Variants in JCHAIN observed in about 807,000 individuals in gnomAD.
The protein encoded by JCHAIN is immunoglobulin J chain.
A neutral mutation model predicts 11.1 loss-of-function variants in JCHAIN; 5 were observed. The observed-to-expected ratio is 0.45, with a 90% CI of 0.24 to 0.95. The LOEUF (loss-of-function observed/expected upper bound fraction) is 0.95, where lower values mean the gene tolerates loss of function less well. Among genes scored for constraint, JCHAIN ranks in the 40% least tolerant of loss-of-function variants. The probability of loss-of-function intolerance (pLI) is 0.21; values close to 1 mark genes in which losing one functional copy is unlikely to be tolerated. For synonymous variants in JCHAIN, 51 were observed against 67.8 expected, an observed-to-expected ratio of 0.75 and a Z score of 1.22; for missense variants, 165 against 192.7, an observed-to-expected ratio of 0.86 and a Z score of 0.85.
At chr4:70,656,951 T>C (rs1481219602) in intron 3 of JCHAIN, among the ~76,000 whole-genome samples, 1 of 152,168 alleles carries the variant, frequency 6.6e-6, no homozygotes, top group African/African-American at 2.4e-5. Flanking sequence ...TATTGAACTA[T>C]TAAGAGAAAT....
At chr4:70,664,887 G>C (rs1739124362) in intron 1 of JCHAIN, among the ~76,000 whole-genome samples, 1 of 152,118 alleles carries the variant, frequency 6.6e-6, no homozygotes, top group Non-Finnish European at 1.5e-5. Context: ...ATATTAGGCA[G>C]CCTAATATCT....
rs550340975 is a variant in JCHAIN at position 70,664,372 on chromosome 4, GT to G, written c.64+2054del. 6.1e-4 allele frequency among the ~76,000 whole-genome samples: 93 copies of G among 151,880 alleles called. 1 individual carries two copies. Among genetic ancestry groups the G allele is most frequent in the African/African-American group, 2.2e-3 (92 of 41,422 alleles). ...TTAGTATACGAATTCAAGTTATAAA[GT>G]TTAAATGATCAGAATAGTTATAATT... is the stretch of plus-strand genomic sequence containing the variant. On this transcript the variant is annotated intron_variant, in intron 1 of 3. Transcript: ENST00000254801.
Position 70,656,514 on chromosome 4 carries a change from C to G in JCHAIN, c.295G>C (p.Val99Leu), listed in dbSNP as rs765894756. The change falls in exon 4 of 4, where the codon GTG (valine) becomes CTG (leucine). Residue 99 changes from valine (V) to leucine (L), a missense_variant. By Grantham distance (32) the Val-to-Leu change is conservative (BLOSUM62 1). Transcript: ENST00000254801. ...DLCKKCDPTE[V>L]ELDNQIVTAT... ...GTAACTATCTGATTATCCAGCTCCA[C>G]TTCTGTAGGATCACATTTTTTACAG... 1.4e-5 allele frequency: 23 copies of G among 1,613,110 alleles called. 1 individual carries two copies. Among genetic ancestry groups the G allele is most frequent in the Middle Eastern group, 1.8e-4 (1 of 5,554 alleles).
intron 2 of JCHAIN, among the ~76,000 whole-genome samples, chr4:70,659,214 C>G (rs1182137800): frequency 6.6e-6 from 1 of 151,882 alleles, no homozygotes; most frequent in African/African-American, 2.4e-5. Context: ...GTAACTTGCC[C>G]AAAGTCACAT....
chr4:70,665,399 T>C (rs2148529585), intron 1 of JCHAIN, among the ~76,000 whole-genome samples: 1 of 152,304 alleles, frequency 6.6e-6, no homozygotes, highest in South Asian at 2.1e-4. Context: ...GAATATCATA[T>C]TCAGTAAGTG....
rs746559683 is a variant in JCHAIN, at chr4:70,656,311, A to G, written c.*18T>C. On this transcript the variant is annotated 3_prime_UTR_variant, in exon 4 of 4. Coordinates refer to ENST00000254801, the MANE Select transcript of JCHAIN (RefSeq NM_144646.4). ...AGCCTCTCAAGAAAAAGAGCTATGC[A>G]GTCAGCAATGACTTAAATTAGTCAG... 1.9e-6 allele frequency: 3 copies of G among 1,556,686 alleles called. No individual in the cohort carries two copies. Among genetic ancestry groups the G allele is most frequent in the South Asian group, 2.2e-5 (2 of 89,778 alleles).
intron 2 of JCHAIN, among the ~76,000 whole-genome samples, chr4:70,661,363 C>T (rs907199529): frequency 6.6e-6 from 1 of 152,092 alleles, no homozygotes; most frequent in Non-Finnish European, 1.5e-5. Context: ...GATCAGTCTG[C>T]CTTATCTCGA....
rs753151015 is a variant in JCHAIN, at chr4:70,666,441, G to C, written c.50C>G (p.Ala17Gly). The change falls in exon 1 of 4, where the codon GCT becomes GGT. Residue 17 changes from alanine to glycine, a missense_variant. Transcript: ENST00000254801. ...FWGVLAVFIKAVHVKAQEDER... is the reference protein window; with the variant it reads ...FWGVLAVFIKGVHVKAQEDER... ...ATATCACATACCTTTCACATGAACA[G>C]CCTTAATAAAAACCGCCAGGACTCC... 3.1e-6 allele frequency: 5 copies of C among 1,609,670 alleles called. No individual in the cohort carries two copies. The highest frequency in any genetic ancestry group is 4.3e-6 in the Non-Finnish European group (5 of 1,176,164).
At chr4:70,658,942 A>AT (rs372398426) in intron 2 of JCHAIN, among the ~76,000 whole-genome samples, 3 of 152,228 alleles carry the variant, frequency 2.0e-5, no homozygotes, top group South Asian at 2.1e-4. Flanking sequence ...TATATTTTAA[A>AT]TAAACTGTTT....
intron 1 of JCHAIN, among the ~76,000 whole-genome samples, chr4:70,665,120 C>T (rs1739126891): frequency 6.6e-6 from 1 of 152,140 alleles, no homozygotes; most frequent in Non-Finnish European, 1.5e-5. Flanking sequence ...GATTTAACAA[C>T]ATATGCTAGA....
Position 70,666,495 on chromosome 4 carries a change from A to T in JCHAIN, c.-5T>A. On this transcript the variant is annotated 5_prime_UTR_variant, in exon 1 of 4. Transcript: ENST00000254801. ...GAAAAGCAAATGGTTCTTCATCTTG[A>T]CTTCACTTCTTCTGAAAAACTGGAG... 1 of 1,611,050 alleles carries T rather than the reference A, an allele frequency of 6.2e-7. No homozygotes were observed.
chr4:70,656,293 C>T lies in JCHAIN; in HGVS notation c.*36G>A. The T allele has an allele frequency of 7.1e-7, 1 of 1,400,924 alleles. No individual in the cohort carries two copies. The highest frequency in any genetic ancestry group is 1.4e-5 in the African/African-American group (1 of 70,402). The allele number at this position is 1,400,924 out of a possible 1,614,324, so 86.8% of individuals were successfully genotyped here. Reference sequence around the variant, plus strand: ...TTCTGAATCAAAATGGAGAGCCTCTCAAGAAAAAGAGCTATGCAGTCAGCA... The same window carrying T: ...TTCTGAATCAAAATGGAGAGCCTCTTAAGAAAAAGAGCTATGCAGTCAGCA... On this transcript the variant is annotated 3_prime_UTR_variant, in exon 4 of 4. Transcript: ENST00000254801.
At chr4:70,656,890 AGTCT>A (rs1237325342) in intron 3 of JCHAIN, among the ~76,000 whole-genome samples, 1 of 152,184 alleles carries the variant, frequency 6.6e-6, no homozygotes, top group Non-Finnish European at 1.5e-5. Flanking sequence ...TTGATGTTGG[AGTCT>A]GTCATTTCCA....
intron 2 of JCHAIN, among the ~76,000 whole-genome samples, chr4:70,658,383 C>T (rs1367895764): frequency 4.0e-5 from 6 of 151,118 alleles, no homozygotes; most frequent in African/African-American, 2.5e-5. Flanking sequence ...ACAGGGTATC[C>T]TCAAATAGCA....
Position 70,662,174 on chromosome 4 carries a change from T to C in JCHAIN, c.106A>G (p.Lys36Glu), listed in dbSNP as rs1739071620. ...ATCCTGGAAGTAATCCGGGCACACT[T>C]ACATTTGTTGTCAACAAGAACAATC... ...ERIVLVDNKCKCARITSRIIR... is the reference protein window; with the variant it reads ...ERIVLVDNKCECARITSRIIR... Residue 36 changes from lysine (K) to glutamate (E), a missense_variant, in exon 2 of 4, where the codon AAG (lysine) becomes GAG (glutamate). Lys to Glu is a moderately conservative substitution (Grantham distance 56). Transcript: ENST00000254801. 1.2e-6 allele frequency: 2 copies of C among 1,613,342 alleles called. No individual in the cohort carries two copies. Among genetic ancestry groups the C allele is most frequent in the Admixed American group, 3.3e-5 (2 of 60,010 alleles).
intron 1 of JCHAIN, among the ~76,000 whole-genome samples, chr4:70,663,898 T>C (rs567334216): frequency 1.3e-5 from 2 of 151,516 alleles, no homozygotes; most frequent in Non-Finnish European, 2.9e-5. Context: ...TAGCTTTACA[T>C]AAGTAATGCT....
chr4:70,656,808 G>C (rs1331215458), intron 3 of JCHAIN, among the ~76,000 whole-genome samples: 2 of 152,100 alleles, frequency 1.3e-5, no homozygotes, highest in Admixed American at 1.3e-4. Flanking sequence ...ACTGTGTTAG[G>C]CTTATTCCCA....
intron 1 of JCHAIN, among the ~76,000 whole-genome samples, chr4:70,664,587 C>T (rs549477930): frequency 1.3e-5 from 2 of 152,188 alleles, no homozygotes; most frequent in African/African-American, 4.8e-5. Context: ...TCTTCTGACA[C>T]TGTGTAATAT....
At position 70,660,378 on chromosome 4, in the gene JCHAIN, ATTT is replaced by A. The variant is rs11290121; in HGVS notation, c.188+1711_188+1713del. ...AATAGAGACACTACAGCAGTGCTGA[ATTT>A]TTTTTTTTTTTTTTTTTTGAGAAAG... On this transcript the variant is annotated intron_variant, in intron 2 of 3. Coordinates refer to ENST00000254801, the MANE Select transcript of JCHAIN (RefSeq NM_144646.4). Among the ~76,000 whole-genome samples, 1,295 of 134,174 alleles carry A rather than the reference ATTT, an allele frequency of 9.7e-3. 19 individuals carry two copies. Among genetic ancestry groups the A allele is most frequent in the African/African-American group, 0.036 (1,263 of 35,410 alleles). 88.0% of individuals were successfully genotyped at this position (134,174 alleles called of 152,430 possible). A position where few individuals can be genotyped will look rare whatever the true frequency, so the allele number is the denominator to read the frequency against.
Sources: gnomAD v4.1 joint callset for allele counts (sites outside exome capture counted in the v4.1 genomes callset) on GRCh38, gnomAD v4.1.1 for gene constraint, MANE v1.5 for transcripts, NCBI Gene and HGNC (gene_info 2026-07-23, HGNC 2026-07-21) for gene names.